CNTNAP2: variants seen among roughly 807,000 people sequenced by gnomAD.
CNTNAP2 encodes the protein contactin associated protein 2.
CNTNAP2 carries 98 observed loss-of-function variants against 155.2 expected under a neutral mutation model. The ratio of observed to expected loss-of-function variants is 0.63; its 90% confidence interval spans 0.54 to 0.75. CNTNAP2 has a LOEUF of 0.75. Ranked by LOEUF, CNTNAP2 falls within the 30% of genes least tolerant of loss-of-function variation. The pLI is 0.00. For missense variants in CNTNAP2, 1,727 were observed against 1,688.1 expected (o/e 1.02, Z -0.40); for synonymous variants, 651 against 631.2 (o/e 1.03, Z -0.47).
At chr7:146,770,837 A>C (rs1329646166) in intron 1 of CNTNAP2, among the ~76,000 whole-genome samples, 2 of 152,176 alleles carry the variant, frequency 1.3e-5, no homozygotes, top group Non-Finnish European at 2.9e-5. Flanking sequence ...TGGATCATTT[A>C]ATCAGTTATC....
intron 1 of CNTNAP2, among the ~76,000 whole-genome samples, chr7:146,302,928 G>A (rs1800636764): frequency 6.6e-6 from 1 of 152,140 alleles, no homozygotes; most frequent in Non-Finnish European, 1.5e-5. Context: ...TATTCAACAA[G>A]AGTTACCAGT....
At chr7:148,063,466 T>TC (rs1803196598) in intron 15 of CNTNAP2, among the ~76,000 whole-genome samples, 1 of 151,678 alleles carries the variant, frequency 6.6e-6, no homozygotes, top group South Asian at 2.1e-4. Context: ...TTCTAGTAGC[T>TC]TTTTTTTCCT....
intron 8 of CNTNAP2, among the ~76,000 whole-genome samples, chr7:147,208,757 G>GT (rs1225073745): frequency 6.6e-6 from 1 of 151,902 alleles, no homozygotes; most frequent in Non-Finnish European, 1.5e-5. Context: ...CATAATCAAT[G>GT]TAATTCAAAA....
intron 13 of CNTNAP2, among the ~76,000 whole-genome samples, chr7:147,726,479 AAGTC>A (rs1423624681): frequency 6.6e-6 from 1 of 151,964 alleles, no homozygotes; most frequent in African/African-American, 2.4e-5. Context: ...AGACCATCTT[AAGTC>A]AGCACAGGTG....
At chr7:146,645,191 T>C (rs2129162304) in intron 1 of CNTNAP2, among the ~76,000 whole-genome samples, 1 of 152,314 alleles carries the variant, frequency 6.6e-6, no homozygotes, top group South Asian at 2.1e-4. Flanking sequence ...TTATTTGCTC[T>C]TCTATCTCAT....
At chr7:147,153,436 A>G (rs766949061) in intron 8 of CNTNAP2, among the ~76,000 whole-genome samples, 23 of 152,060 alleles carry the variant, frequency 1.5e-4, no homozygotes, top group Non-Finnish European at 2.4e-4. Flanking sequence ...AGGGCCCTCA[A>G]CAGTGCAAAA....
chr7:147,376,423 G>A (rs1236095777), intron 9 of CNTNAP2, among the ~76,000 whole-genome samples: 1 of 152,024 alleles, frequency 6.6e-6, no homozygotes, highest in Non-Finnish European at 1.5e-5. Context: ...AGGAAGTAGG[G>A]TTCATATGTT....
intron 21 of CNTNAP2, among the ~76,000 whole-genome samples, chr7:148,336,068 A>C (rs1798110093): frequency 6.6e-6 from 1 of 152,170 alleles, no homozygotes; most frequent in African/African-American, 2.4e-5. Flanking sequence ...TGGTTTAAGT[A>C]ACTGCCTCTC....
At chr7:146,162,334 A>C (rs1798236642) in intron 1 of CNTNAP2, among the ~76,000 whole-genome samples, 1 of 152,202 alleles carries the variant, frequency 6.6e-6, no homozygotes, top group African/African-American at 2.4e-5. Flanking sequence ...ACCCCATCAA[A>C]AAGTGGGCAA....
intron 1 of CNTNAP2, among the ~76,000 whole-genome samples, chr7:146,269,591 G>A (rs989650344): frequency 6.6e-6 from 1 of 152,152 alleles, no homozygotes; most frequent in Admixed American, 6.6e-5. Flanking sequence ...TATAGTTAAA[G>A]GAAAATGTAG....
At chr7:146,405,805 A>T (rs1795782856) in intron 1 of CNTNAP2, among the ~76,000 whole-genome samples, 1 of 152,212 alleles carries the variant, frequency 6.6e-6, no homozygotes, top group African/African-American at 2.4e-5. Context: ...TCATATTTAC[A>T]CCTACTGTGT....
intron 2 of CNTNAP2, among the ~76,000 whole-genome samples, chr7:146,820,264 A>C (rs1803252137): frequency 6.6e-6 from 1 of 152,180 alleles, no homozygotes; most frequent in African/African-American, 2.4e-5. Context: ...ACTGTCCTAT[A>C]AAAATAAATT....
chr7:147,572,701 A>AACACAC lies in CNTNAP2; in HGVS notation c.1897+10472_1897+10477dup, dbSNP rs55950116. Among the ~76,000 whole-genome samples the AACACAC allele has an allele frequency of 5.3e-3, 784 of 149,078 alleles. 5 individuals carry two copies. Among genetic ancestry groups the AACACAC allele is most frequent in the African/African-American group, 0.018 (739 of 40,590 alleles). On this transcript the variant is annotated intron_variant, in intron 12 of 23. Coordinates refer to ENST00000361727, the MANE Select transcript of CNTNAP2 (RefSeq NM_014141.6). ...AATCAACTATTCAAACAGGATGGGAAACACACACACACACACACACACACA... is the reference window on the plus strand; with the variant it reads ...AATCAACTATTCAAACAGGATGGGAAACACACACACACACACACACACACACACACA...
intron 10 of CNTNAP2, among the ~76,000 whole-genome samples, chr7:147,412,507 T>G (rs895274075): frequency 6.6e-6 from 1 of 152,200 alleles, no homozygotes; most frequent in Admixed American, 6.5e-5. Flanking sequence ...AGACTGTAAT[T>G]ACATCTTTTC....
At chr7:146,639,453 AGATTCTCT>A (rs544458265) in intron 1 of CNTNAP2, among the ~76,000 whole-genome samples, 2 of 132,320 alleles carry the variant, frequency 1.5e-5, no homozygotes, top group African/African-American at 3.2e-5. Flanking sequence ...CATGTAAGAT[AGATTCTCT>A]GATTATTCCC....
At position 146,658,150 on chromosome 7, in the gene CNTNAP2, G is replaced by A. The variant is rs573960181; in HGVS notation, c.98-116121G>A. Among the ~76,000 whole-genome samples the A allele has an allele frequency of 2.6e-5, 4 of 152,300 alleles. No individual in the cohort carries two copies. The South Asian group carries it at 6.2e-4, about 24-fold the overall frequency. On this transcript the variant is annotated intron_variant, in intron 1 of 23. Coordinates refer to ENST00000361727, the MANE Select transcript of CNTNAP2 (RefSeq NM_014141.6). ...GTACCTCTAACTTATGGCTCAGACT[G>A]AGGCTAGATTCACCAACTTTGCATA...
intron 1 of CNTNAP2, among the ~76,000 whole-genome samples, chr7:146,582,887 ATAT>A (rs1309314622): frequency 6.7e-6 from 1 of 148,710 alleles, no homozygotes; most frequent in Non-Finnish European, 1.5e-5. Flanking sequence ...TATAAATATA[ATAT>A]TAATATATTT....
chr7:146,831,793 T>G (rs1803518562), intron 2 of CNTNAP2, among the ~76,000 whole-genome samples: 3 of 152,064 alleles, frequency 2.0e-5, no homozygotes, highest in Admixed American at 2.0e-4. Context: ...CTAGAATTAT[T>G]TGAAACTGTT....
intron 21 of CNTNAP2, among the ~76,000 whole-genome samples, chr7:148,350,717 A>G (rs111288061): frequency 0.023 from 3,485 of 152,292 alleles, 43 homozygotes; most frequent in African/African-American, 0.043. Flanking sequence ...TGTTGCAGTC[A>G]TATATTTCGT....
Sources: allele counts gnomAD v4.1 joint callset (sites outside exome capture counted in the v4.1 genomes callset), GRCh38; gene constraint gnomAD v4.1.1; transcripts MANE v1.5; gene names NCBI Gene and HGNC (gene_info 2026-07-23, HGNC 2026-07-21).